RTN3: variants seen among roughly 807,000 people sequenced by gnomAD.
RTN3 encodes reticulon-3.
RTN3 carries 49 observed loss-of-function variants against 77.8 expected under a neutral mutation model. The observed-to-expected ratio is 0.63, with a 90% CI of 0.50 to 0.80. The LOEUF (loss-of-function observed/expected upper bound fraction) is 0.80, where lower values mean the gene tolerates loss of function less well. Among genes scored for constraint, RTN3 ranks in the 30% least tolerant of loss-of-function variants. The pLI is 0.00. For missense variants in RTN3, 1,236 were observed against 1,211.9 expected, an observed-to-expected ratio of 1.02 and a Z score of -0.29; for synonymous variants, 464 against 446.9, an observed-to-expected ratio of 1.04 and a Z score of -0.48.
intron 3 of RTN3, among the ~76,000 whole-genome samples, chr11:63,747,746 C>T (rs1040851614): frequency 2.6e-5 from 4 of 152,136 alleles, no homozygotes; most frequent in African/African-American, 4.8e-5. Flanking sequence ...AAGTCTTTTC[C>T]GCTAACCTTA....
At position 63,720,790 on chromosome 11, in the gene RTN3, A is replaced by C. The variant is rs765966769; in HGVS notation, c.2288A>C (p.Gln763Pro). Residue 763 changes from glutamine to proline, a missense_variant, in exon 3 of 9, where the codon CAG becomes CCG. By Grantham distance (76) the Gln-to-Pro change is moderately conservative (BLOSUM62 -1). Around this residue, in one of 3 missense-constraint regions of RTN3, gnomAD observed 1,056 missense variants for 990.4 expected, o/e 1.07. Transcript: ENST00000377819. ...CAGGTTGAGAAGTCAACTTCTGCAC[A>C]GCGTGACGCAGAATTGCCTTCTGAA... ...ERQVEKSTSAQRDAELPSEEV... is the reference protein window; with the variant it reads ...ERQVEKSTSAPRDAELPSEEV... 1.9e-6 allele frequency: 3 copies of C among 1,613,984 alleles called. No individual in the cohort carries two copies. The highest frequency in any genetic ancestry group is 2.5e-6 in the Non-Finnish European group (3 of 1,180,036).
chr11:63,724,862 TG>T (rs1264136950), intron 3 of RTN3, among the ~76,000 whole-genome samples: 1 of 152,044 alleles, frequency 6.6e-6, no homozygotes, highest in African/African-American at 2.4e-5. Flanking sequence ...TTTATGATAG[TG>T]GCAGATATCT....
chr11:63,759,858 G>A lies in RTN3; in HGVS notation c.*1657G>A, dbSNP rs910317758. ...GGTTCCTGTAAAATTTCAAATTGAT[G>A]TGGTATTAATAAAAAAAAAAAAAAC... is the stretch of plus-strand genomic sequence containing the variant. On this transcript the variant is annotated 3_prime_UTR_variant, in exon 9 of 9. Transcript: ENST00000377819. 1.4e-5 allele frequency: 2 copies of A among 146,278 alleles called. No individual in the cohort carries two copies. The highest frequency in any genetic ancestry group is 5.2e-5 in the African/African-American group (2 of 38,184). The allele number at this position is 146,278 out of a possible 1,614,324, so 9.1% of individuals were successfully genotyped here.
intron 3 of RTN3, among the ~76,000 whole-genome samples, chr11:63,736,617 G>A (rs998687771): frequency 6.6e-6 from 1 of 152,190 alleles, no homozygotes; most frequent in Non-Finnish European, 1.5e-5. Context: ...GAACCCGGGA[G>A]GCGGAGGTTG....
chr11:63,690,530 T>C (rs570538119), intron 1 of RTN3, among the ~76,000 whole-genome samples: 3 of 152,282 alleles, frequency 2.0e-5, no homozygotes, highest in African/African-American at 4.8e-5. Context: ...AACCCCCTTC[T>C]TACAGATGGG....
chr11:63,721,183 C>T, intron 3 of RTN3, 151 bp downstream of exon 3: 1 of 646,388 alleles, frequency 1.5e-6, no homozygotes, highest in Non-Finnish European at 2.5e-6. Context: ...AGATTCTTCT[C>T]CTGTCTTTTT....
At chr11:63,734,781 AC>A (rs71039667) in intron 3 of RTN3, among the ~76,000 whole-genome samples, 2 of 104,990 alleles carry the variant, frequency 1.9e-5, no homozygotes, top group South Asian at 2.9e-4. Context: ...ACACACACAC[AC>A]CATACTGGAG....
At position 63,720,410 on chromosome 11, in the gene RTN3, G is replaced by A. The variant is rs2011678639; in HGVS notation, c.1908G>A (p.Glu636=). 1 of 1,613,938 alleles carries A rather than the reference G, an allele frequency of 6.2e-7. No individual in the cohort carries two copies. Among genetic ancestry groups the A allele is most frequent in the Non-Finnish European group, 8.5e-7 (1 of 1,179,958 alleles). The change falls in exon 3 of 9, where the codon GAG becomes GAA. Residue 636 remains glutamate (E), a synonymous_variant. Coordinates refer to ENST00000377819, the MANE Select transcript of RTN3 (RefSeq NM_001265589.2). ...ATGTGACAACATCTGCCTATTTGGA[G>A]TCATTACATGGGAAAAATGTTAAAC... is the stretch of plus-strand genomic sequence containing the variant. ...SLNVTTSAYL[E]SLHGKNVKHI...
At chr11:63,749,257 T>TGA (rs2135043765) in intron 3 of RTN3, among the ~76,000 whole-genome samples, 1 of 152,290 alleles carries the variant, frequency 6.6e-6, no homozygotes, top group South Asian at 2.1e-4. Context: ...CCAGCCCAGG[T>TGA]GACAGAGTGA....
Position 63,758,136 on chromosome 11 carries a change from T to C in RTN3, c.3054-20T>C, listed in dbSNP as rs488317. The stretch of plus-strand genomic sequence containing the variant: ...CTAATGTTTTCACTTTCTTTCTTTT[T>C]CCCCTCCTTTTCTCAATAGGATCCA... On this transcript the variant is annotated intron_variant, in intron 8 of 8. Coordinates refer to ENST00000377819, the MANE Select transcript of RTN3 (RefSeq NM_001265589.2). 1.3e-6 allele frequency: 2 copies of C among 1,509,194 alleles called. No individual in the cohort carries two copies. The highest frequency in any genetic ancestry group is 1.8e-6 in the Non-Finnish European group (2 of 1,105,526). 93.5% of individuals were successfully genotyped at this position (1,509,194 alleles called of 1,614,324 possible). A position where few individuals can be genotyped will look rare whatever the true frequency, so the allele number is the denominator to read the frequency against.
At chr11:63,735,856 C>T (rs1015428398) in intron 3 of RTN3, among the ~76,000 whole-genome samples, 2 of 152,000 alleles carry the variant, frequency 1.3e-5, no homozygotes, top group African/African-American at 4.8e-5. Context: ...TGGAAATACA[C>T]AGAGCAAAGA....
chr11:63,690,664 C>T (rs1298063384), intron 1 of RTN3, among the ~76,000 whole-genome samples: 1 of 152,154 alleles, frequency 6.6e-6, no homozygotes, highest in Non-Finnish European at 1.5e-5. Flanking sequence ...TTTCTGGCTC[C>T]ACGGTTCTTA....
intron 3 of RTN3, among the ~76,000 whole-genome samples, chr11:63,729,448 TTTTTTTTTTTTG>T (rs1056170660): frequency 4.8e-5 from 6 of 125,704 alleles, no homozygotes; most frequent in Admixed American, 1.5e-4. Context: ...TTTTTTTTTT[TTTTTTTTTTTTG>T]TTTGTTTGAG....
At chr11:63,694,137 G>A (rs1241917623) in intron 1 of RTN3, among the ~76,000 whole-genome samples, 3 of 151,800 alleles carry the variant, frequency 2.0e-5, no homozygotes, top group South Asian at 4.2e-4. Context: ...AGAAGGCTGG[G>A]GTATTAAGAT....
At chr11:63,745,666 A>G (rs1205456174) in intron 3 of RTN3, among the ~76,000 whole-genome samples, 1 of 152,184 alleles carries the variant, frequency 6.6e-6, no homozygotes, top group Non-Finnish European at 1.5e-5. Context: ...CCCAGGGCCT[A>G]TATTATTATG....
intron 4 of RTN3, among the ~76,000 whole-genome samples, chr11:63,751,113 C>T (rs771226118): frequency 6.6e-5 from 10 of 152,138 alleles, no homozygotes; most frequent in Non-Finnish European, 1.5e-4. Context: ...GTGATCCACC[C>T]GCCTCGGCCT....
intron 3 of RTN3, among the ~76,000 whole-genome samples, chr11:63,722,587 A>G (rs1339187898): frequency 2.0e-5 from 3 of 152,210 alleles, no homozygotes; most frequent in East Asian, 3.8e-4. Context: ...TTCACTAACA[A>G]TTATCAGTGA....
chr11:63,735,259 G>T lies in RTN3; in HGVS notation c.2530+14227G>T, dbSNP rs184605662. Among the ~76,000 whole-genome samples the T allele has an allele frequency of 3.3e-5, 5 of 152,018 alleles. No individual in the cohort carries two copies. In the East Asian group the frequency reaches 9.7e-4, roughly 29 times the overall value. Reference sequence around the variant, plus strand: ...CCCACCTCAGCCTCCCAAAGTGCTGGGATTACAAGGTGTGAGCCACAATGC... The same window carrying T: ...CCCACCTCAGCCTCCCAAAGTGCTGTGATTACAAGGTGTGAGCCACAATGC... On this transcript the variant is annotated intron_variant, in intron 3 of 8. Coordinates refer to ENST00000377819, the MANE Select transcript of RTN3 (RefSeq NM_001265589.2).
chr11:63,705,001 C>A, intron 2 of RTN3, 94 bp downstream of exon 2: 1 of 902,342 alleles, frequency 1.1e-6, no homozygotes, highest in Non-Finnish European at 1.8e-6. Flanking sequence ...TTCTATTGCC[C>A]CAAATCCCCT....
Sources: allele counts gnomAD v4.1 joint callset (sites outside exome capture counted in the v4.1 genomes callset), GRCh38; gene constraint gnomAD v4.1.1; regional missense constraint gnomAD v4.1.1; transcripts MANE v1.5; gene names NCBI Gene and HGNC (gene_info 2026-07-23, HGNC 2026-07-21).